The following PATJ variants were observed in gnomAD, a reference collection of about 807,000 sequenced individuals.
PATJ encodes the protein PATJ crumbs cell polarity complex component, also known as inaD-like protein.
PATJ carries 190 observed loss-of-function variants against 224.9 expected under a neutral mutation model. That is an observed-to-expected ratio of 0.84 (90% CI 0.75 to 0.95). The LOEUF is 0.95. Ranked by LOEUF, PATJ falls within the 40% of genes least tolerant of loss-of-function variation. The pLI, the probability that PATJ is intolerant of heterozygous loss-of-function variation, is 0.00. For synonymous variants in PATJ, 769 were observed against 820.3 expected, an observed-to-expected ratio of 0.94 and a Z score of 1.07; for missense variants, 2,121 against 2,270.3, an observed-to-expected ratio of 0.93 and a Z score of 1.34.
chr1:62,157,322 T>G (rs1192949100), intron 43 of PATJ, among the ~76,000 whole-genome samples: 2 of 148,124 alleles, frequency 1.4e-5, no homozygotes. Context: ...AGACTCCATC[T>G]CAAAAAAAAA....
At chr1:61,754,252 G>A (rs990725952) in intron 1 of PATJ, among the ~76,000 whole-genome samples, 1 of 152,150 alleles carries the variant, frequency 6.6e-6, no homozygotes, top group Non-Finnish European at 1.5e-5. Context: ...AGCCCTGTTG[G>A]TTTCTTAACT....
In PATJ at chr1:61,771,506, G is replaced by T. The variant is rs1233398322; in HGVS notation, c.600G>T (p.Gln200His). 1 of 1,612,534 alleles carries T rather than the reference G, an allele frequency of 6.2e-7. No individual in the cohort carries two copies. The highest frequency in any genetic ancestry group is 8.5e-7 in the Non-Finnish European group (1 of 1,179,402). Residue 200 changes from glutamine (Q) to histidine (H), a missense_variant, in exon 6 of 44, where the codon CAG (glutamine) becomes CAT (histidine). By Grantham distance (24) the Gln-to-His change is conservative. Transcript: ENST00000642238. ...CATTGGATCAGAACATTTCCCATCA[G>T]CAAGCAATTGCATTATTACAACAAA... ...HTPLDQNISH[Q>H]QAIALLQQTT... is the part of the protein sequence containing the mutation.
At position 61,775,662 on chromosome 1, in the gene PATJ, G is replaced by A. The variant is rs78302104; in HGVS notation, c.849+328G>A. Among the ~76,000 whole-genome samples the A allele has an allele frequency of 8.5e-3, 1,289 of 151,996 alleles. 23 individuals carry two copies. The highest frequency in any genetic ancestry group is 0.072 in the South Asian group (345 of 4,814). Reference sequence around the variant, plus strand: ...ATTATTCTCCTCTAGTGTGTCTTTCGATGACCTAAATGTTAAAATCAGAAG... The same window carrying A: ...ATTATTCTCCTCTAGTGTGTCTTTCAATGACCTAAATGTTAAAATCAGAAG... On this transcript the variant is annotated intron_variant, in intron 7 of 43. Transcript: ENST00000642238.
chr1:61,900,751 G>A (rs941801065), intron 23 of PATJ, among the ~76,000 whole-genome samples: 8 of 152,014 alleles, frequency 5.3e-5, no homozygotes, highest in Non-Finnish European at 8.8e-5. Context: ...CACTACGCCC[G>A]GCTAATTTTT....
Position 62,148,389 on chromosome 1 carries a change from G to A in PATJ, c.5377G>A (p.Glu1793Lys). The A allele has an allele frequency of 1.9e-6, 3 of 1,606,992 alleles. No individual in the cohort carries two copies. The highest frequency in any genetic ancestry group is 2.6e-6 in the Non-Finnish European group (3 of 1,173,556). ...PTAEHHPEDTETPPPKIITLE... is the reference protein window; with the variant it reads ...PTAEHHPEDTKTPPPKIITLE... ...TGCTGAACACCATCCAGAAGACACAGAGTGAGTATTTCAGATGCAGAGGGC... is the reference window on the plus strand; with the variant it reads ...TGCTGAACACCATCCAGAAGACACAAAGTGAGTATTTCAGATGCAGAGGGC... The change falls in exon 42 of 44, where the codon GAA (glutamate) becomes AAA (lysine). Residue 1793 changes from glutamate (E) to lysine (K), a missense_variant and splice_region_variant. By Grantham distance (56) the Glu-to-Lys change is moderately conservative (BLOSUM62 1). Transcript: ENST00000642238.
intron 31 of PATJ, among the ~76,000 whole-genome samples, chr1:62,055,835 G>A (rs939712217): frequency 6.6e-6 from 1 of 152,276 alleles, no homozygotes; most frequent in African/African-American, 2.4e-5. Flanking sequence ...ATCGTCTCAC[G>A]TGTTATGGAG....
chr1:61,784,933 A>G (rs916635193), intron 7 of PATJ, among the ~76,000 whole-genome samples: 1 of 151,966 alleles, frequency 6.6e-6, no homozygotes, highest in African/African-American at 2.4e-5. Flanking sequence ...ATTAAATTGC[A>G]TTTCCGCTGC....
At chr1:61,847,589 G>A (rs1033511954) in intron 17 of PATJ, among the ~76,000 whole-genome samples, 17 of 152,164 alleles carry the variant, frequency 1.1e-4, no homozygotes, top group Non-Finnish European at 2.4e-4. Flanking sequence ...TATGATTAGT[G>A]TAATACTTTG....
At chr1:62,100,397 G>A (rs1274395860) in intron 33 of PATJ, 1 of 718,340 alleles carries the variant, frequency 1.4e-6, no homozygotes, top group African/African-American at 1.7e-5. Context: ...TGTGACAGAA[G>A]TTGAAGGGCA....
chr1:61,816,908 C>A (rs1025399034), intron 14 of PATJ, among the ~76,000 whole-genome samples: 1 of 152,170 alleles, frequency 6.6e-6, no homozygotes, highest in Non-Finnish European at 1.5e-5. Context: ...TTCCTCCTTG[C>A]TGATACTCTG....
chr1:61,928,782 TATA>T (rs1222399748), intron 27 of PATJ, among the ~76,000 whole-genome samples: 1 of 151,090 alleles, frequency 6.6e-6, no homozygotes, highest in Non-Finnish European at 1.5e-5. Context: ...TTTTTCTTAA[TATA>T]ATAACGAATA....
At chr1:61,909,437 A>G (rs927026755) in intron 25 of PATJ, among the ~76,000 whole-genome samples, 1 of 152,210 alleles carries the variant, frequency 6.6e-6, no homozygotes, top group African/African-American at 2.4e-5. Flanking sequence ...TCTTCATTTT[A>G]TAATGGAAGA....
At chr1:61,932,719 G>A (rs889324245) in intron 27 of PATJ, among the ~76,000 whole-genome samples, 2 of 152,116 alleles carry the variant, frequency 1.3e-5, no homozygotes, top group Non-Finnish European at 2.9e-5. Context: ...GGCCAACATG[G>A]TGAAACCCCG....
At chr1:61,829,284 A>T (rs1658892167) in intron 16 of PATJ, among the ~76,000 whole-genome samples, 1 of 151,902 alleles carries the variant, frequency 6.6e-6, no homozygotes, top group South Asian at 2.1e-4. Flanking sequence ...TTATTGGTTG[A>T]CTCTTTTTTA....
chr1:61,953,967 T>C lies in PATJ; in HGVS notation c.3670+26138T>C, dbSNP rs375253524. 2.6e-5 allele frequency among the ~76,000 whole-genome samples: 4 copies of C among 152,334 alleles called. No individual in the cohort carries two copies. In the East Asian group the frequency reaches 7.7e-4, roughly 29 times the overall value. On this transcript the variant is annotated intron_variant, in intron 27 of 43. Coordinates refer to ENST00000642238, the MANE Select transcript of PATJ (RefSeq NM_001350145.3). ...GCAGTTTTCTAGAAAGTGAGTCAAG[T>C]ATATCTAGTCATTAGGAATTTATGT...
chr1:61,823,092 G>C lies in PATJ; in HGVS notation c.1818+13G>C. ...TGAGCTGCTTGAGGTAAAATTTATG[G>C]GGAAAGAAAGACACAGGCAAGAATC... On this transcript the variant is annotated intron_variant, in intron 15 of 43. Transcript: ENST00000642238. 2 of 1,613,366 alleles carry C rather than the reference G, an allele frequency of 1.2e-6. No individual in the cohort carries two copies. Among genetic ancestry groups the C allele is most frequent in the Non-Finnish European group, 1.7e-6 (2 of 1,179,636 alleles).
chr1:62,125,254 C>CAAACAAAAAAA (rs1665576382), intron 39 of PATJ, among the ~76,000 whole-genome samples: 1 of 71,422 alleles, frequency 1.4e-5, no homozygotes, highest in Non-Finnish European at 2.6e-5. Flanking sequence ...AAAAAAAAAA[C>CAAACAAAAAAA]AAAAAAAAAC....
intron 27 of PATJ, among the ~76,000 whole-genome samples, chr1:61,947,644 G>A (rs1678953707): frequency 6.6e-6 from 1 of 152,118 alleles, no homozygotes; most frequent in South Asian, 2.1e-4. Flanking sequence ...ACTACCCAAG[G>A]TAATTTATAG....
At chr1:61,771,184 T>G (rs557927502) in intron 5 of PATJ, among the ~76,000 whole-genome samples, 60 of 152,272 alleles carry the variant, frequency 3.9e-4, no homozygotes, top group African/African-American at 1.4e-3. Flanking sequence ...TTGTTTTTGT[T>G]TATTTTTCTA....
Sources: gnomAD v4.1 joint callset for allele counts (sites outside exome capture counted in the v4.1 genomes callset) on GRCh38, gnomAD v4.1.1 for gene constraint, MANE v1.5 for transcripts, NCBI Gene and HGNC (gene_info 2026-07-23, HGNC 2026-07-21) for gene names.